Variants in NKAIN2 observed in about 807,000 individuals in gnomAD.
The protein encoded by NKAIN2 is sodium/potassium-transporting ATPase subunit beta-1-interacting protein 2.
A neutral mutation model predicts 32.6 loss-of-function variants in NKAIN2; 14 were observed. The observed-to-expected ratio is 0.43, with a 90% CI of 0.28 to 0.67. NKAIN2 has a LOEUF of 0.67. NKAIN2 is among the 30% of genes least tolerant of loss of function. NKAIN2 has a pLI of 0.17. For missense variants in NKAIN2, 198 were observed against 258.3 expected (o/e 0.77, Z 1.60); for synonymous variants, 80 against 87.2 (o/e 0.92, Z 0.46).
At chr6:123,954,764 T>C (rs1013347649) in intron 1 of NKAIN2, among the ~76,000 whole-genome samples, 7 of 152,094 alleles carry the variant, frequency 4.6e-5, no homozygotes, top group African/African-American at 1.7e-4. Flanking sequence ...CTCTGGCTTG[T>C]TTATTGTTGG....
chr6:124,248,612 A>G (rs1793536043), intron 1 of NKAIN2, among the ~76,000 whole-genome samples: 2 of 152,094 alleles, frequency 1.3e-5, no homozygotes, highest in Admixed American at 1.3e-4. Flanking sequence ...AAAATAAACT[A>G]CCTTAAGTAG....
chr6:124,625,262 A>G (rs1783272170), intron 3 of NKAIN2, among the ~76,000 whole-genome samples: 1 of 152,176 alleles, frequency 6.6e-6, no homozygotes, highest in South Asian at 2.1e-4. Flanking sequence ...CTCTACAAAA[A>G]AAACAAAAAT....
intron 1 of NKAIN2, among the ~76,000 whole-genome samples, chr6:124,188,510 G>A (rs111581484): frequency 3.3e-5 from 5 of 152,090 alleles, no homozygotes; most frequent in Non-Finnish European, 7.4e-5. Flanking sequence ...TCATGGTAAC[G>A]CCTAGCTTAG....
chr6:124,498,754 A>T (rs962193000), intron 3 of NKAIN2, among the ~76,000 whole-genome samples: 9 of 152,144 alleles, frequency 5.9e-5, no homozygotes, highest in African/African-American at 2.2e-4. Flanking sequence ...TGTCATTGCA[A>T]GAGGGTCTTG....
At chr6:124,197,837 G>GTTTTTT (rs71541243) in intron 1 of NKAIN2, among the ~76,000 whole-genome samples, 2 of 94,426 alleles carry the variant, frequency 2.1e-5, no homozygotes, top group Admixed American at 1.1e-4. Context: ...CCTGTGTCTG[G>GTTTTTT]TTTTTTTTTT....
chr6:124,698,343 G>C (rs1364879006), intron 4 of NKAIN2, among the ~76,000 whole-genome samples: 1 of 152,042 alleles, frequency 6.6e-6, no homozygotes, highest in Admixed American at 6.6e-5. Flanking sequence ...TCCACTAAAA[G>C]TGTTAGCATA....
chr6:124,567,581 C>A (rs925314385), intron 3 of NKAIN2, among the ~76,000 whole-genome samples: 1 of 152,142 alleles, frequency 6.6e-6, no homozygotes, highest in African/African-American at 2.4e-5. Context: ...AAACAATTAA[C>A]CATAGTGAGA....
intron 3 of NKAIN2, among the ~76,000 whole-genome samples, chr6:124,381,072 G>A (rs1487470227): frequency 7.9e-5 from 12 of 152,156 alleles, no homozygotes; most frequent in Non-Finnish European, 1.8e-4. Flanking sequence ...ATGCAAATAT[G>A]TATATATTAG....
At chr6:124,372,768 T>G (rs1799820527) in intron 3 of NKAIN2, among the ~76,000 whole-genome samples, 1 of 152,172 alleles carries the variant, frequency 6.6e-6, no homozygotes, top group Non-Finnish European at 1.5e-5. Context: ...GTTCCATTAT[T>G]ATAAACATTT....
chr6:124,705,702 GT>G (rs554880829), intron 4 of NKAIN2, among the ~76,000 whole-genome samples: 2 of 152,048 alleles, frequency 1.3e-5, no homozygotes, highest in Admixed American at 6.6e-5. Flanking sequence ...AAGGGAACGA[GT>G]TTTTTTGTAG....
At chr6:124,220,454 T>G (rs1015699606) in intron 1 of NKAIN2, among the ~76,000 whole-genome samples, 1 of 75,894 alleles carries the variant, frequency 1.3e-5, no homozygotes, top group African/African-American at 4.2e-5. Context: ...ACTCTCCTTT[T>G]TTTTCCCTTT....
At chr6:124,306,474 A>T (rs916011877) in intron 2 of NKAIN2, among the ~76,000 whole-genome samples, 5 of 152,182 alleles carry the variant, frequency 3.3e-5, no homozygotes, top group Non-Finnish European at 5.9e-5. Context: ...AAATTTCTGG[A>T]ATTTTAATGT....
chr6:124,423,980 AAC>A (rs1197487105), intron 3 of NKAIN2, among the ~76,000 whole-genome samples: 1 of 152,132 alleles, frequency 6.6e-6, no homozygotes, highest in African/African-American at 2.4e-5. Flanking sequence ...TACTGTTGTA[AAC>A]ACTTTTAATT....
chr6:124,256,892 T>G (rs1027302675), intron 1 of NKAIN2, among the ~76,000 whole-genome samples: 265 of 146,952 alleles, frequency 1.8e-3, no homozygotes, highest in African/African-American at 4.0e-3. Context: ...GTTGTTTTTT[T>G]TTTTTTTTTT....
intron 1 of NKAIN2, among the ~76,000 whole-genome samples, chr6:124,248,807 T>C (rs535197200): frequency 6.6e-6 from 1 of 152,220 alleles, no homozygotes; most frequent in African/African-American, 2.4e-5. Context: ...CTAAATCTGG[T>C]GGTAGACTAA....
At chr6:123,976,228 C>T (rs1248471138) in intron 1 of NKAIN2, among the ~76,000 whole-genome samples, 3 of 139,060 alleles carry the variant, frequency 2.2e-5, no homozygotes, top group Admixed American at 7.2e-5. Flanking sequence ...AAGACACAAA[C>T]GTCCAGACAA....
At chr6:124,596,816 G>A (rs145675684) in intron 3 of NKAIN2, among the ~76,000 whole-genome samples, 2,506 of 152,066 alleles carry the variant, frequency 0.016, 28 homozygotes, top group Middle Eastern at 0.031. Flanking sequence ...GAATTGCCTC[G>A]TGGTTATAGA....
chr6:124,685,900 G>GGAAAA lies in NKAIN2; in HGVS notation c.474+27518_474+27522dup, dbSNP rs1209410775. Among the ~76,000 whole-genome samples the GGAAAA allele has an allele frequency of 2.0e-5, 3 of 152,274 alleles. No homozygotes were observed. The East Asian group carries it at 5.8e-4, about 29-fold the overall frequency. ...ACATTCATTATGTCACAGTTTCTATGGAAAAGAATTTCAAGCCCAGCTTAG... is the reference window on the plus strand; with the variant it reads ...ACATTCATTATGTCACAGTTTCTATGGAAAAGAAAAGAATTTCAAGCCCAGCTTAG... On this transcript the variant is annotated intron_variant, in intron 4 of 6. Coordinates refer to ENST00000368417, the MANE Select transcript of NKAIN2 (RefSeq NM_001040214.3).
chr6:124,500,554 T>G (rs1252056649), intron 3 of NKAIN2, among the ~76,000 whole-genome samples: 1 of 152,022 alleles, frequency 6.6e-6, no homozygotes, highest in East Asian at 1.9e-4. Flanking sequence ...CTCTGGATAC[T>G]GAGGCAGGAG....
Sources: gnomAD v4.1 joint callset for allele counts (sites outside exome capture counted in the v4.1 genomes callset) on GRCh38, gnomAD v4.1.1 for gene constraint, MANE v1.5 for transcripts, NCBI Gene and HGNC (gene_info 2026-07-23, HGNC 2026-07-21) for gene names.